The following CACNG5 variants were observed in gnomAD, a reference collection of about 807,000 sequenced individuals.
CACNG5 encodes calcium voltage-gated channel auxiliary subunit gamma 5.
Under a neutral mutation model 24.8 loss-of-function variants are expected in CACNG5, and 18 were observed. The ratio of observed to expected loss-of-function variants is 0.73; its 90% CI spans 0.50 to 1.08. The LOEUF (loss-of-function observed/expected upper bound fraction) is 1.08, where lower values mean the gene tolerates loss of function less well. Ranked by LOEUF, CACNG5 falls within the 50% of genes least tolerant of loss-of-function variation. The pLI is 0.00. For missense variants in CACNG5, 349 were observed against 367.9 expected, an observed-to-expected ratio of 0.95 and a Z score of 0.42; for synonymous variants, 157 against 149.1, an observed-to-expected ratio of 1.05 and a Z score of -0.39.
At chr17:66,845,583 G>A (rs1976628565) in intron 1 of CACNG5, among the ~76,000 whole-genome samples, 1 of 152,038 alleles carries the variant, frequency 6.6e-6, no homozygotes, top group Non-Finnish European at 1.5e-5. Context: ...CCTTGTCTGT[G>A]CTCCCGTGGC....
chr17:66,877,557 C>A, intron 2 of CACNG5, 29 bp downstream of exon 2: 1 of 1,594,768 alleles, frequency 6.3e-7, no homozygotes, highest in South Asian at 1.1e-5. Context: ...GGGGACAGCC[C>A]TGCCCCCTGA....
At chr17:66,870,788 G>C (rs1976995259) in intron 1 of CACNG5, among the ~76,000 whole-genome samples, 1 of 152,152 alleles carries the variant, frequency 6.6e-6, no homozygotes, top group South Asian at 2.1e-4. Context: ...AGACCAGCCT[G>C]GCTGACCTGG....
chr17:66,841,034 T>G (rs976145486), intron 1 of CACNG5, among the ~76,000 whole-genome samples: 3 of 152,136 alleles, frequency 2.0e-5, no homozygotes, highest in African/African-American at 7.2e-5. Flanking sequence ...GAAGTTGATT[T>G]TGCCAAGGAT....
chr17:66,865,134 T>G (rs1221980781), intron 1 of CACNG5, among the ~76,000 whole-genome samples: 1 of 152,252 alleles, frequency 6.6e-6, no homozygotes, highest in Non-Finnish European at 1.5e-5. Context: ...TCCAATAGTT[T>G]ACCATTTTGT....
intron 1 of CACNG5, among the ~76,000 whole-genome samples, chr17:66,861,377 C>G: frequency 6.6e-6 from 1 of 152,316 alleles, no homozygotes; most frequent in South Asian, 2.1e-4. Flanking sequence ...TGTGTTACCT[C>G]GTAACCCTTT....
chr17:66,867,302 C>A (rs761067687), intron 1 of CACNG5, among the ~76,000 whole-genome samples: 1 of 152,112 alleles, frequency 6.6e-6, no homozygotes, highest in Non-Finnish European at 1.5e-5. Context: ...CCTTTGCCTA[C>A]CTTTTTATGG....
rs1243286918 is a variant in CACNG5, at chr17:66,889,881, C to T, written c.*4641C>T. On this transcript the variant is annotated 3_prime_UTR_variant, in exon 6 of 6. Transcript: ENST00000533854. ...ATATTTGGGCAGCACCATGGCCCAG[C>T]CACACTGACATGTAAAACTAACCAT... Among the ~76,000 whole-genome samples the T allele has an allele frequency of 3.3e-5, 5 of 152,206 alleles. No homozygotes were observed. Among genetic ancestry groups the T allele is most frequent in the Admixed American group, 1.3e-4 (2 of 15,278 alleles).
At chr17:66,861,074 G>A (rs1009967906) in intron 1 of CACNG5, among the ~76,000 whole-genome samples, 4 of 151,866 alleles carry the variant, frequency 2.6e-5, no homozygotes, top group Non-Finnish European at 2.9e-5. Flanking sequence ...ATTTCTTCTC[G>A]ACAGATATAA....
chr17:66,854,554 C>T (rs541171033), intron 1 of CACNG5, among the ~76,000 whole-genome samples: 1 of 151,658 alleles, frequency 6.6e-6, no homozygotes, highest in South Asian at 2.1e-4. Context: ...ATTAGCCAGG[C>T]ATGGTGGTGG....
At chr17:66,845,365 TG>T in intron 1 of CACNG5, among the ~76,000 whole-genome samples, 2 of 151,888 alleles carry the variant, frequency 1.3e-5, no homozygotes, top group South Asian at 4.2e-4. Flanking sequence ...ACCTAGATGA[TG>T]GGTTGATAGG....
intron 1 of CACNG5, among the ~76,000 whole-genome samples, chr17:66,855,526 A>T (rs117845626): frequency 6.6e-6 from 1 of 152,128 alleles, no homozygotes; most frequent in Non-Finnish European, 1.5e-5. Context: ...AAAGTTGTGC[A>T]TATGTATTTT....
intron 1 of CACNG5, among the ~76,000 whole-genome samples, chr17:66,865,749 C>T (rs999841952): frequency 2.6e-5 from 4 of 151,712 alleles, no homozygotes; most frequent in African/African-American, 9.7e-5. Flanking sequence ...CCTGCATCAG[C>T]CTCCCGAGTA....
intron 1 of CACNG5, among the ~76,000 whole-genome samples, chr17:66,874,474 G>C (rs183330215): frequency 3.9e-5 from 6 of 152,170 alleles, no homozygotes; most frequent in Admixed American, 2.0e-4. Context: ...AGGGCATCAC[G>C]ACAGAGCAGA....
intron 1 of CACNG5, among the ~76,000 whole-genome samples, chr17:66,854,151 C>T (rs768331695): frequency 2.3e-4 from 35 of 152,032 alleles, no homozygotes; most frequent in Non-Finnish European, 4.3e-4. Flanking sequence ...GTGAAAAGGC[C>T]GGGTGCGGTG....
At chr17:66,884,934 G>A (rs769240658) in intron 5 of CACNG5, 49 bp from the exon 6 acceptor site, 12 of 1,613,970 alleles carry the variant, frequency 7.4e-6, no homozygotes, top group Non-Finnish European at 9.3e-6. Flanking sequence ...CAAGGGAGAT[G>A]AGGCAGGCCC....
At chr17:66,867,834 C>T (rs528100228) in intron 1 of CACNG5, among the ~76,000 whole-genome samples, 1 of 152,282 alleles carries the variant, frequency 6.6e-6, no homozygotes, top group African/African-American at 2.4e-5. Context: ...ATCTATGTGT[C>T]TGTTTGCATA....
In CACNG5 at chr17:66,888,297, C is replaced by G. The variant is rs987929887; in HGVS notation, c.*3057C>G. On this transcript the variant is annotated 3_prime_UTR_variant, in exon 6 of 6. Coordinates refer to ENST00000533854, the MANE Select transcript of CACNG5 (RefSeq NM_145811.3). Reference sequence around the variant, plus strand: ...CAGTGGCTCATGCCTGTAATCCCAGCACTTTGGGAGGCCGAGGCAGGCAGA... The same window carrying G: ...CAGTGGCTCATGCCTGTAATCCCAGGACTTTGGGAGGCCGAGGCAGGCAGA... Among the ~76,000 whole-genome samples, 11 of 150,318 alleles carry G rather than the reference C, an allele frequency of 7.3e-5. No homozygotes were observed. The highest frequency in any genetic ancestry group is 2.7e-4 in the African/African-American group (11 of 40,810).
At chr17:66,874,523 TAAC>T (rs1977049588) in intron 1 of CACNG5, among the ~76,000 whole-genome samples, 2 of 152,316 alleles carry the variant, frequency 1.3e-5, no homozygotes, top group South Asian at 4.2e-4. Flanking sequence ...TGAGGCTTTA[TAAC>T]AACTGTCTCA....
chr17:66,891,098 C>T lies in CACNG5; in HGVS notation c.*5858C>T, dbSNP rs1977337227. 6.6e-6 allele frequency among the ~76,000 whole-genome samples: 1 copy of T among 152,128 alleles called. No homozygotes were observed. Among genetic ancestry groups the T allele is most frequent in the Non-Finnish European group, 1.5e-5 (1 of 68,032 alleles). On this transcript the variant is annotated 3_prime_UTR_variant, in exon 6 of 6. Transcript: ENST00000533854. ...GCAACAGTGATTCCAAACATCCTAT[C>T]AAGATGCAACAGCTTCAGAGGGAAG...
Sources: allele counts gnomAD v4.1 joint callset (sites outside exome capture counted in the v4.1 genomes callset), GRCh38; gene constraint gnomAD v4.1.1; transcripts MANE v1.5; gene names NCBI Gene and HGNC (gene_info 2026-07-23, HGNC 2026-07-21).